Variants in OBI1 observed in about 807,000 individuals in gnomAD.
OBI1 encodes the protein ring finger protein 219.
A neutral mutation model predicts 62.4 loss-of-function variants in OBI1; 59 were observed. The observed-to-expected ratio is 0.95, with a 90% confidence interval of 0.77 to 1.17. The LOEUF (loss-of-function observed/expected upper bound fraction) is 1.17. Among genes scored for constraint, OBI1 ranks in the 50% most tolerant of loss-of-function variants. The pLI is 0.00. For missense variants in OBI1, 875 were observed against 830.9 expected (o/e 1.05, Z -0.65); for synonymous variants, 302 against 292.8 (o/e 1.03, Z -0.32).
intron 4 of OBI1, among the ~76,000 whole-genome samples, chr13:78,638,057 T>C (rs1449274356): frequency 1.3e-5 from 2 of 152,208 alleles, no homozygotes; most frequent in Admixed American, 6.5e-5. Flanking sequence ...AACTGAGTAC[T>C]ACAAAGCCAT....
intron 1 of OBI1, among the ~76,000 whole-genome samples, chr13:78,653,939 A>T (rs1293602827): frequency 2.0e-5 from 3 of 152,122 alleles, no homozygotes; most frequent in African/African-American, 7.2e-5. Context: ...GGAATTTGGA[A>T]ACTTTCCAAA....
In OBI1 at chr13:78,642,705, C is replaced by T. The variant is rs114994573; in HGVS notation, c.209-492G>A. ...AGAGACCATCCTGGCTACAGTGAAA[C>T]CCTGTCTCTACTAAAAATGCAAACA... On this transcript the variant is annotated intron_variant, in intron 2 of 5. Coordinates refer to ENST00000282003, the MANE Select transcript of OBI1 (RefSeq NM_024546.4). Among the ~76,000 whole-genome samples, 1,317 of 152,170 alleles carry T rather than the reference C, an allele frequency of 8.7e-3. 16 individuals are homozygous for T. Among genetic ancestry groups the T allele is most frequent in the African/African-American group, 0.028 (1,173 of 41,516 alleles).
At chr13:78,652,746 GA>G (rs1876581125) in intron 1 of OBI1, among the ~76,000 whole-genome samples, 1 of 152,164 alleles carries the variant, frequency 6.6e-6, no homozygotes, top group African/African-American at 2.4e-5. Context: ...ATGCTCCTAT[GA>G]AAATCTAATG....
intron 1 of OBI1, among the ~76,000 whole-genome samples, chr13:78,655,197 T>C (rs571422980): frequency 3.9e-5 from 6 of 152,218 alleles, no homozygotes; most frequent in South Asian, 2.1e-4. Context: ...TGAGTCCCAA[T>C]TGAAAAGATA....
intron 5 of OBI1, among the ~76,000 whole-genome samples, chr13:78,624,420 G>T (rs1180379674): frequency 1.3e-5 from 2 of 152,146 alleles, no homozygotes; most frequent in East Asian, 3.9e-4. Context: ...TTCAAATGAA[G>T]AGCAGGGTTA....
chr13:78,658,675 G>A (rs1035102456), intron 1 of OBI1, among the ~76,000 whole-genome samples: 6 of 152,120 alleles, frequency 3.9e-5, no homozygotes, highest in Admixed American at 1.3e-4. Context: ...GTGTTTTAAT[G>A]GGCTTCACTA....
intron 1 of OBI1, among the ~76,000 whole-genome samples, chr13:78,645,219 T>C (rs754441512): frequency 1.1e-4 from 16 of 152,192 alleles, no homozygotes; most frequent in Admixed American, 2.6e-4. Flanking sequence ...ACTGAAGCTT[T>C]TGACATATAA....
At chr13:78,651,600 C>T (rs1031113194) in intron 1 of OBI1, among the ~76,000 whole-genome samples, 1 of 152,056 alleles carries the variant, frequency 6.6e-6, no homozygotes, top group Non-Finnish European at 1.5e-5. Context: ...GTCTCTCCAT[C>T]CTCCTGACAG....
rs1875221273 is a variant in OBI1 at position 78,615,270 on chromosome 13, CA to C, written c.*309del. 8.5e-6 allele frequency: 2 copies of C among 234,552 alleles called. No individual in the cohort carries two copies. The highest frequency in any genetic ancestry group is 2.4e-4 in the South Asian group (2 of 8,478). The allele number at this position is 234,552 out of a possible 1,614,324, so 14.5% of individuals were successfully genotyped here. Reference sequence around the variant, plus strand: ...AAACAATGTATATCCAACCGAGATACATATCAAATTCAGTAAAAAAACAAAA... The same window carrying C: ...AAACAATGTATATCCAACCGAGATACTATCAAATTCAGTAAAAAAACAAAA... On this transcript the variant is annotated 3_prime_UTR_variant, in exon 6 of 6. Coordinates refer to ENST00000282003, the MANE Select transcript of OBI1 (RefSeq NM_024546.4).
intron 1 of OBI1, among the ~76,000 whole-genome samples, chr13:78,656,971 G>T (rs1876731525): frequency 6.6e-6 from 1 of 151,696 alleles, no homozygotes; most frequent in South Asian, 2.1e-4. Context: ...TTTTAGTAGC[G>T]ATGGGGTTTC....
chr13:78,647,002 G>A (rs1485459926), intron 1 of OBI1, among the ~76,000 whole-genome samples: 1 of 152,218 alleles, frequency 6.6e-6, no homozygotes, highest in Non-Finnish European at 1.5e-5. Context: ...TGCAGGATGT[G>A]CCTTGTTAAT....
At chr13:78,635,845 C>G (rs1876012958) in intron 4 of OBI1, among the ~76,000 whole-genome samples, 1 of 152,100 alleles carries the variant, frequency 6.6e-6, no homozygotes, top group South Asian at 2.1e-4. Context: ...TCACTGCAAC[C>G]TCCACCTCCA....
At chr13:78,656,633 G>T (rs1355083569) in intron 1 of OBI1, among the ~76,000 whole-genome samples, 2 of 140,974 alleles carry the variant, frequency 1.4e-5, no homozygotes, top group African/African-American at 5.2e-5. Flanking sequence ...GTAAAAGGTT[G>T]TATGAGTGGT....
intron 1 of OBI1, 53 bp from the exon 2 acceptor site, chr13:78,645,050 T>C (rs999896064): frequency 1.2e-4 from 178 of 1,534,378 alleles, no homozygotes; most frequent in Middle Eastern, 1.8e-4. Flanking sequence ...AATTAGAAGA[T>C]CAAATGGTTT....
Position 78,638,805 on chromosome 13 carries a change from T to C in OBI1, c.549+18A>G. On this transcript the variant is annotated intron_variant, in intron 4 of 5. Coordinates refer to ENST00000282003, the MANE Select transcript of OBI1 (RefSeq NM_024546.4). The stretch of plus-strand genomic sequence containing the variant: ...TTTTAAAAACAACCATAATAGATTT[T>C]TAAAAACCACAACTTACCTCCTTTA... 6.3e-7 allele frequency: 1 copy of C among 1,591,458 alleles called. No homozygotes were observed. The highest frequency in any genetic ancestry group is 8.5e-7 in the Non-Finnish European group (1 of 1,171,838).
chr13:78,644,473 A>C (rs760781510), intron 2 of OBI1, among the ~76,000 whole-genome samples: 3 of 151,236 alleles, frequency 2.0e-5, no homozygotes, highest in Admixed American at 6.6e-5. Flanking sequence ...CTTAATTTTC[A>C]CCGTTGAAAT....
rs2137424270 is a variant in OBI1 at position 78,617,011 on chromosome 13, T to C, written c.750A>G (p.Leu250=). 6.2e-7 allele frequency: 1 copy of C among 1,614,048 alleles called. No individual in the cohort carries two copies. Among genetic ancestry groups the C allele is most frequent in the Non-Finnish European group, 8.5e-7 (1 of 1,179,864 alleles). ...LERSDKYIEE[L]ESQVAQLKNS... ...TTTTTAGCTGTGCAACTTGAGATTCTAGTTCCTCTATATACTTATCACTTC... is the reference window on the plus strand; with the variant it reads ...TTTTTAGCTGTGCAACTTGAGATTCCAGTTCCTCTATATACTTATCACTTC... The change falls in exon 6 of 6, where the codon CTA becomes CTG. Residue 250 remains leucine (L), a synonymous_variant. Coordinates refer to ENST00000282003, the MANE Select transcript of OBI1 (RefSeq NM_024546.4).
At chr13:78,650,956 CA>C (rs1194396831) in intron 1 of OBI1, among the ~76,000 whole-genome samples, 1 of 152,108 alleles carries the variant, frequency 6.6e-6, no homozygotes, top group Admixed American at 6.5e-5. Flanking sequence ...TTATCCTCAC[CA>C]TCCAAACTGT....
intron 1 of OBI1, among the ~76,000 whole-genome samples, chr13:78,655,831 T>C (rs540423023): frequency 1.3e-5 from 2 of 152,212 alleles, no homozygotes; most frequent in African/African-American, 2.4e-5. Context: ...TGGCCAGAGA[T>C]GCTCTATGTC....
Sources: gnomAD v4.1 joint callset for allele counts (sites outside exome capture counted in the v4.1 genomes callset) on GRCh38, gnomAD v4.1.1 for gene constraint, MANE v1.5 for transcripts, NCBI Gene and HGNC (gene_info 2026-07-23, HGNC 2026-07-21) for gene names.